The following MCC variants were observed in gnomAD, a reference collection of about 807,000 sequenced individuals.
The protein encoded by MCC is colorectal mutant cancer protein.
Under a neutral mutation model 116.2 loss-of-function variants are expected in MCC, and 90 were observed. The ratio of observed to expected loss-of-function variants is 0.77; its 90% confidence interval spans 0.65 to 0.92. MCC has a LOEUF of 0.92. MCC is among the 40% of genes least tolerant of loss of function. The pLI is 0.00. For missense variants in MCC, 1,516 were observed against 1,312.2 expected, an observed-to-expected ratio of 1.16 and a Z score of -2.40; for synonymous variants, 578 against 510.5, an observed-to-expected ratio of 1.13 and a Z score of -1.78.
chr5:113,441,843 T>A (rs1771052107), intron 1 of MCC, among the ~76,000 whole-genome samples: 1 of 152,250 alleles, frequency 6.6e-6, no homozygotes, highest in Non-Finnish European at 1.5e-5. Context: ...CATTCTTTTT[T>A]AAGGCTGTGT....
intron 1 of MCC, 111 bp from the exon 2 acceptor site, chr5:113,385,323 T>C: frequency 9.3e-7 from 1 of 1,076,626 alleles, no homozygotes; most frequent in Non-Finnish European, 1.3e-6. Flanking sequence ...ATACTAGACC[T>C]ATTTTCAACT....
intron 3 of MCC, among the ~76,000 whole-genome samples, chr5:113,231,251 A>G (rs796795755): frequency 7.9e-5 from 12 of 152,204 alleles, no homozygotes; most frequent in African/African-American, 2.9e-4. Flanking sequence ...CCCTTTTACC[A>G]TAAGAAGAGA....
At position 113,222,737 on chromosome 5, in the gene MCC, A is replaced by G. The variant is rs79644135; in HGVS notation, c.628-71315T>C. 3.9e-3 allele frequency among the ~76,000 whole-genome samples: 591 copies of G among 152,352 alleles called. 5 individuals are homozygous for G. The highest frequency in any genetic ancestry group is 0.014 in the African/African-American group (576 of 41,578). On this transcript the variant is annotated intron_variant, in intron 3 of 18. Coordinates refer to ENST00000408903, the MANE Select transcript of MCC (RefSeq NM_001085377.2). Reference sequence around the variant, plus strand: ...TGTTTGACTTATGGGGCAATGATACAGTGTCAAACACTCTGCTAGGAGCTG... The same window carrying G: ...TGTTTGACTTATGGGGCAATGATACGGTGTCAAACACTCTGCTAGGAGCTG...
At position 113,022,926 on chromosome 5, in the gene MCC, C is replaced by G. The variant is rs1028690524; in HGVS notation, c.*4376G>C. 8 of 151,970 alleles carry G rather than the reference C, an allele frequency of 5.3e-5. No homozygotes were observed. Among genetic ancestry groups the G allele is most frequent in the African/African-American group, 1.7e-4 (7 of 41,358 alleles). The allele number at this position is 151,970 out of a possible 1,614,324, so 9.4% of individuals were successfully genotyped here. ...ACCCAGATGTAATGTGATAAACAAA[C>G]AGTTTACCCAGTGTAACCTTTAAGC... On this transcript the variant is annotated 3_prime_UTR_variant, in exon 19 of 19. Transcript: ENST00000408903.
chr5:113,164,690 A>C (rs1406398387), intron 3 of MCC, among the ~76,000 whole-genome samples: 1 of 152,234 alleles, frequency 6.6e-6, no homozygotes, highest in African/African-American at 2.4e-5. Context: ...TTGAAACCAC[A>C]AACTTCCAAG....
At chr5:113,378,768 T>C (rs76030423) in intron 2 of MCC, among the ~76,000 whole-genome samples, 1 of 152,170 alleles carries the variant, frequency 6.6e-6, no homozygotes, top group Non-Finnish European at 1.5e-5. Flanking sequence ...GGAATCCATG[T>C]GTAAGGTTTA....
chr5:113,134,555 CTTTTTTTTTT>C, intron 5 of MCC, among the ~76,000 whole-genome samples: 4 of 30,122 alleles, frequency 1.3e-4, no homozygotes, highest in Admixed American at 4.6e-4. Context: ...GCTATTTGGG[CTTTTTTTTTT>C]TTTTTTTTTT....
intron 5 of MCC, among the ~76,000 whole-genome samples, chr5:113,132,427 C>CATATACATATATAT (rs1758501583): frequency 9.3e-6 from 1 of 107,340 alleles, no homozygotes; most frequent in Non-Finnish European, 1.8e-5. Context: ...TACACACATA[C>CATATACATATATAT]ATATATATAT....
At chr5:113,461,310 T>G (rs1355737250) in intron 1 of MCC, among the ~76,000 whole-genome samples, 4 of 152,186 alleles carry the variant, frequency 2.6e-5, no homozygotes, top group Non-Finnish European at 4.4e-5. Context: ...CATTTACTCC[T>G]AAGAACAGCC....
At chr5:113,277,293 A>G (rs10056847) in intron 3 of MCC, among the ~76,000 whole-genome samples, 63,102 of 151,216 alleles carry the variant, frequency 0.42, 17,870 homozygotes, top group African/African-American at 0.8. Flanking sequence ...GCTTGAACCC[A>G]GGAGGCAGAG....
At chr5:113,455,373 TC>T (rs200204751) in intron 1 of MCC, among the ~76,000 whole-genome samples, 14 of 151,584 alleles carry the variant, frequency 9.2e-5, no homozygotes, top group Non-Finnish European at 1.9e-4. Flanking sequence ...TATGCTGCAC[TC>T]CCCCCCACCA....
chr5:113,076,918 C>A (rs925905954), intron 11 of MCC, among the ~76,000 whole-genome samples: 1 of 152,146 alleles, frequency 6.6e-6, no homozygotes, highest in African/African-American at 2.4e-5. Context: ...ACCCATCTCA[C>A]GAGCAGAGAC....
chr5:113,110,544 T>C (rs1227737032), intron 6 of MCC, among the ~76,000 whole-genome samples: 3 of 152,262 alleles, frequency 2.0e-5, no homozygotes, highest in South Asian at 2.1e-4. Flanking sequence ...GGATTTCATA[T>C]GGTTTCTTCT....
At position 113,072,815 on chromosome 5, in the gene MCC, G is replaced by A. The variant is rs950859386; in HGVS notation, c.1785-1581C>T. On this transcript the variant is annotated intron_variant, in intron 11 of 18. Coordinates refer to ENST00000408903, the MANE Select transcript of MCC (RefSeq NM_001085377.2). ...GGCTCACAACTTTCTCTAGCCCAGC[G>A]CTTTCTTCTGAGGGCCAGGCTCACA... 3.3e-5 allele frequency among the ~76,000 whole-genome samples: 5 copies of A among 152,288 alleles called. No homozygotes were observed. The East Asian group carries it at 5.8e-4, about 18-fold the overall frequency.
chr5:113,269,877 A>G (rs1765548340), intron 3 of MCC, among the ~76,000 whole-genome samples: 1 of 152,222 alleles, frequency 6.6e-6, no homozygotes, highest in African/African-American at 2.4e-5. Context: ...ATAAGGCAAC[A>G]GAGTACACTG....
intron 3 of MCC, among the ~76,000 whole-genome samples, chr5:113,291,022 AAGC>A (rs1766474238): frequency 1.3e-5 from 2 of 152,202 alleles, no homozygotes; most frequent in Admixed American, 6.5e-5. Context: ...GACTTGACAT[AAGC>A]CATTTATGGT....
In MCC at chr5:113,027,423, A is replaced by G. The variant is rs1398127597; in HGVS notation, c.2939T>C (p.Leu980Ser). The G allele has an allele frequency of 6.2e-7, 1 of 1,614,058 alleles. No homozygotes were observed. The highest frequency in any genetic ancestry group is 1.1e-5 in the South Asian group (1 of 91,082). Residue 980 changes from leucine (L) to serine (S), a missense_variant, in exon 19 of 19, where the codon TTA becomes TCA. By Grantham distance (145) the Leu-to-Ser change is moderately radical. Transcript: ENST00000408903. Reference sequence around the variant, plus strand: ...CACCATGGCCATCATCTGCGACTCTAACTTCTTCAGTTTGTTTTGATGCTT... The same window carrying G: ...CACCATGGCCATCATCTGCGACTCTGACTTCTTCAGTTTGTTTTGATGCTT... ...KKKHQNKLKK[L>S]ESQMMAMVER...
At chr5:113,294,703 CT>C (rs1187515183) in intron 3 of MCC, 1 of 1,019,896 alleles carries the variant, frequency 9.8e-7, no homozygotes, top group Admixed American at 5.8e-5. Flanking sequence ...CAGTGCCACC[CT>C]GGGCGCCGCC....
chr5:113,294,433 T>G, intron 3 of MCC: 1 of 1,612,984 alleles, frequency 6.2e-7, no homozygotes, highest in South Asian at 1.1e-5. Context: ...TCTCGGAGCT[T>G]AAGAGTTGGA....
Sources: allele counts gnomAD v4.1 joint callset (sites outside exome capture counted in the v4.1 genomes callset), GRCh38; gene constraint gnomAD v4.1.1; transcripts MANE v1.5; gene names NCBI Gene and HGNC (gene_info 2026-07-23, HGNC 2026-07-21).